Variants in MAP1B observed in about 807,000 individuals in gnomAD.
MAP1B encodes microtubule associated protein 1B.
A neutral mutation model predicts 176.1 loss-of-function variants in MAP1B; 12 were observed. That is an observed-to-expected ratio of 0.07 (90% CI 0.04 to 0.11). The LOEUF (loss-of-function observed/expected upper bound fraction) is 0.11. Among genes scored for constraint, MAP1B ranks in the 10% least tolerant of loss-of-function variants. The pLI is 1.00. For missense variants in MAP1B, 2,523 were observed against 2,990.5 expected, an observed-to-expected ratio of 0.84 and a Z score of 3.65; for synonymous variants, 1,044 against 1,135.0, an observed-to-expected ratio of 0.92 and a Z score of 1.61.
chr5:72,202,006 C>T (rs899151972), intron 5 of MAP1B, among the ~76,000 whole-genome samples: 1 of 152,144 alleles, frequency 6.6e-6, no homozygotes, highest in Non-Finnish European at 1.5e-5. Flanking sequence ...ACATATACAT[C>T]CTAGCCCACA....
intron 2 of MAP1B, among the ~76,000 whole-genome samples, chr5:72,144,385 T>C (rs776994655): frequency 4.6e-5 from 7 of 152,156 alleles, no homozygotes; most frequent in Non-Finnish European, 8.8e-5. Context: ...GCTCTACCTT[T>C]TAATGTTTTT....
At chr5:72,135,667 ATGTTCC>A (rs1745826760) in intron 2 of MAP1B, among the ~76,000 whole-genome samples, 1 of 152,202 alleles carries the variant, frequency 6.6e-6, no homozygotes, top group Admixed American at 6.5e-5. Context: ...GGATCCCAGA[ATGTTCC>A]TAGCATCTAG....
intron 2 of MAP1B, among the ~76,000 whole-genome samples, chr5:72,149,424 A>G (rs1000371160): frequency 6.6e-6 from 1 of 152,246 alleles, no homozygotes; most frequent in African/African-American, 2.4e-5. Context: ...TTTTTCCACA[A>G]TAGACATTTG....
chr5:72,189,730 AT>A (rs1746985287), intron 4 of MAP1B, among the ~76,000 whole-genome samples: 1 of 152,120 alleles, frequency 6.6e-6, no homozygotes, highest in South Asian at 2.1e-4. Flanking sequence ...CATTAAAAAA[AT>A]AAAATAAAAA....
At position 72,107,479 on chromosome 5, in the gene MAP1B, T is replaced by G; in HGVS notation, c.-53T>G. 6.8e-7 allele frequency: 1 copy of G among 1,460,754 alleles called. No individual in the cohort carries two copies. The highest frequency in any genetic ancestry group is 9.1e-7 in the Non-Finnish European group (1 of 1,092,910). 90.5% of individuals were successfully genotyped at this position (1,460,754 alleles called of 1,614,324 possible). A position where few individuals can be genotyped will look rare whatever the true frequency, so the allele number is the denominator to read the frequency against. On this transcript the variant is annotated 5_prime_UTR_variant, in exon 1 of 7. Coordinates refer to ENST00000296755, the MANE Select transcript of MAP1B (RefSeq NM_005909.5). ...GAGATAATCCTTTCTCCTGCCGCAG[T>G]GGAGAGGAGCGGCCGGAGCGAGACA...
At chr5:72,119,399 A>G (rs1745487122) in intron 2 of MAP1B, among the ~76,000 whole-genome samples, 2 of 152,268 alleles carry the variant, frequency 1.3e-5, no homozygotes, top group African/African-American at 4.8e-5. Context: ...GAGAACAGTC[A>G]TCTTGAAAGA....
intron 4 of MAP1B, among the ~76,000 whole-genome samples, chr5:72,190,065 A>G (rs150141777): frequency 6.6e-6 from 1 of 152,308 alleles, no homozygotes; most frequent in Non-Finnish European, 1.5e-5. Flanking sequence ...CTAAAATGTC[A>G]TGACTCAAAC....
At chr5:72,158,615 G>A (rs1293733929) in intron 2 of MAP1B, among the ~76,000 whole-genome samples, 1 of 152,180 alleles carries the variant, frequency 6.6e-6, no homozygotes, top group East Asian at 1.9e-4. Flanking sequence ...GATTGGTAAA[G>A]TAATGACAAC....
intron 2 of MAP1B, among the ~76,000 whole-genome samples, chr5:72,134,273 C>T (rs562300566): frequency 6.6e-6 from 1 of 152,176 alleles, no homozygotes; most frequent in Admixed American, 6.5e-5. Flanking sequence ...GATTTCTGCT[C>T]CTTTTAGTAT....
intron 2 of MAP1B, among the ~76,000 whole-genome samples, chr5:72,135,952 T>A (rs11748485): frequency 0.031 from 4,784 of 152,336 alleles, 106 homozygotes; most frequent in Non-Finnish European, 0.048. Flanking sequence ...CAACAGGATT[T>A]GACCAGGAGT....
At chr5:72,201,700 A>G (rs1747336903) in intron 5 of MAP1B, among the ~76,000 whole-genome samples, 1 of 152,246 alleles carries the variant, frequency 6.6e-6, no homozygotes, top group African/African-American at 2.4e-5. Context: ...TATTAGGGAA[A>G]ATCTGATAGA....
chr5:72,117,873 G>A (rs1466864778), intron 2 of MAP1B, among the ~76,000 whole-genome samples: 1 of 152,172 alleles, frequency 6.6e-6, no homozygotes, highest in African/African-American at 2.4e-5. Context: ...GCTCCTGTGT[G>A]GGGAGCATGA....
At position 72,204,324 on chromosome 5, in the gene MAP1B, C is replaced by G. The variant is rs1747396889; in HGVS notation, c.7251+523C>G. Among the ~76,000 whole-genome samples, 1 of 152,172 alleles carries G rather than the reference C, an allele frequency of 6.6e-6. No homozygotes were observed. The highest frequency in any genetic ancestry group is 2.1e-4 in the South Asian group (1 of 4,832). ...AACATCATGCCTGACCACAAACCAT[C>G]CCTTATTTATTTAATGACAGGGTCT... On this transcript the variant is annotated intron_variant, in intron 6 of 6. Transcript: ENST00000296755. This position sits in a 1 kb window ranked among gnomAD's most constrained non-coding sequence, Gnocchi z 4.4.
At chr5:72,108,592 GGGTCCGGCGGGCAC>G (rs1745197666) in intron 1 of MAP1B, among the ~76,000 whole-genome samples, 1 of 152,208 alleles carries the variant, frequency 6.6e-6, no homozygotes, top group Non-Finnish European at 1.5e-5. Flanking sequence ...GGGGCCGTGA[GGGTCCGGCGGGCAC>G]AGCCTCGGGC....
Position 72,200,313 on chromosome 5 carries a change from A to G in MAP1B, c.6958A>G (p.Thr2320Ala). ...ACGTGGGGAAGAGAAAGACAAGGAG[A>G]CCAAGAATGCTGCCAATGCCTCTGC... ...AARGEEKDKE[T>A]KNAANASASK... The change falls in exon 5 of 7, where the codon ACC becomes GCC. Residue 2320 changes from threonine (T) to alanine (A), a missense_variant. By Grantham distance (58) the Thr-to-Ala change is moderately conservative. Coordinates refer to ENST00000296755, the MANE Select transcript of MAP1B (RefSeq NM_005909.5). 1 of 1,614,200 alleles carries G rather than the reference A, an allele frequency of 6.2e-7. No individual in the cohort carries two copies. Among genetic ancestry groups the G allele is most frequent in the Non-Finnish European group, 8.5e-7 (1 of 1,180,028 alleles).
chr5:72,202,086 A>T (rs1294411504), intron 5 of MAP1B, among the ~76,000 whole-genome samples: 1 of 152,226 alleles, frequency 6.6e-6, no homozygotes, highest in Non-Finnish European at 1.5e-5. Flanking sequence ...AGTGAAAATG[A>T]GTTAATTTTC....
At chr5:72,147,113 C>T (rs1288363518) in intron 2 of MAP1B, among the ~76,000 whole-genome samples, 3 of 151,920 alleles carry the variant, frequency 2.0e-5, no homozygotes, top group Non-Finnish European at 4.4e-5. Flanking sequence ...GGACTACAGG[C>T]CTGCGCCACC....
intron 2 of MAP1B, among the ~76,000 whole-genome samples, chr5:72,170,807 T>TCA (rs1262842903): frequency 2.0e-5 from 3 of 151,790 alleles, no homozygotes; most frequent in African/African-American, 4.8e-5. Flanking sequence ...ATGATCCAGA[T>TCA]GTGGTAGCAG....
In MAP1B at chr5:72,179,163, C is replaced by T. The variant is rs978034845; in HGVS notation, c.287-4580C>T. On this transcript the variant is annotated intron_variant, in intron 2 of 6. Transcript: ENST00000296755. The stretch of plus-strand genomic sequence containing the variant: ...ACTGCCCCCGCCCCGCCACCCAGGT[C>T]GAGGCTTCACAATCATGCTGAGTTT... 3.9e-5 allele frequency among the ~76,000 whole-genome samples: 6 copies of T among 152,108 alleles called. No individual in the cohort carries two copies. In the East Asian group the frequency reaches 1.2e-3, roughly 29 times the overall value.
Sources: gnomAD v4.1 joint callset for allele counts (sites outside exome capture counted in the v4.1 genomes callset) on GRCh38, gnomAD v4.1.1 for gene constraint, Gnocchi (gnomAD v3.1) non-coding constraint, MANE v1.5 for transcripts, NCBI Gene and HGNC (gene_info 2026-07-23, HGNC 2026-07-21) for gene names.